The following MCTP1 variants were observed in gnomAD, a reference collection of about 807,000 sequenced individuals.
The protein encoded by MCTP1 is multiple C2 and transmembrane domain-containing protein 1.
Under a neutral mutation model 120.6 loss-of-function variants are expected in MCTP1, and 69 were observed. The observed-to-expected ratio is 0.57, with a 90% confidence interval of 0.47 to 0.70. MCTP1 has a LOEUF of 0.70. Among genes scored for constraint, MCTP1 ranks in the 30% least tolerant of loss-of-function variants. The pLI is 0.00. For synonymous variants in MCTP1, 529 were observed against 493.1 expected, an observed-to-expected ratio of 1.07 and a Z score of -0.96; for missense variants, 1,203 against 1,248.8, an observed-to-expected ratio of 0.96 and a Z score of 0.55.
chr5:95,233,696 A>C (rs181200541), intron 1 of MCTP1, among the ~76,000 whole-genome samples: 86 of 152,366 alleles, frequency 5.6e-4, no homozygotes, highest in African/African-American at 2.0e-3. Context: ...AAAGGATTTT[A>C]AACTGAATAA....
chr5:95,039,806 T>C (rs1056787952), intron 1 of MCTP1, among the ~76,000 whole-genome samples: 2 of 149,990 alleles, frequency 1.3e-5, no homozygotes, highest in African/African-American at 2.5e-5. Context: ...TTAACTGATA[T>C]TGTTTAAGTA....
intron 7 of MCTP1, among the ~76,000 whole-genome samples, chr5:94,918,856 C>T (rs937261650): frequency 6.6e-6 from 1 of 152,116 alleles, no homozygotes; most frequent in Non-Finnish European, 1.5e-5. Flanking sequence ...TGACAGGAAT[C>T]TTATTTTAAG....
At chr5:94,801,678 T>C (rs191858633) in intron 17 of MCTP1, among the ~76,000 whole-genome samples, 1 of 152,338 alleles carries the variant, frequency 6.6e-6, no homozygotes, top group Admixed American at 6.5e-5. Context: ...TTTTCCCTTG[T>C]AATGTCCATT....
intron 1 of MCTP1, among the ~76,000 whole-genome samples, chr5:95,067,553 T>G (rs915998701): frequency 1.3e-5 from 2 of 152,068 alleles, no homozygotes; most frequent in East Asian, 1.9e-4. Flanking sequence ...AAAAATACAA[T>G]TTCTAAACAG....
chr5:95,204,504 C>T (rs929734298), intron 1 of MCTP1, among the ~76,000 whole-genome samples: 2 of 152,170 alleles, frequency 1.3e-5, no homozygotes, highest in Non-Finnish European at 2.9e-5. Context: ...CTATTCAACA[C>T]TGCACTAGAG....
intron 17 of MCTP1, among the ~76,000 whole-genome samples, chr5:94,816,287 C>A (rs1437713656): frequency 6.6e-6 from 1 of 152,020 alleles, no homozygotes; most frequent in Non-Finnish European, 1.5e-5. Context: ...TACTTTTATT[C>A]ATCCCATGGG....
chr5:95,098,044 A>T (rs974006171), intron 1 of MCTP1, among the ~76,000 whole-genome samples: 2 of 152,186 alleles, frequency 1.3e-5, no homozygotes, highest in African/African-American at 4.8e-5. Flanking sequence ...CAACTCAATG[A>T]TTTCTGATCT....
intron 1 of MCTP1, among the ~76,000 whole-genome samples, chr5:95,224,225 G>C (rs1220847761): frequency 6.6e-6 from 1 of 152,126 alleles, no homozygotes; most frequent in Non-Finnish European, 1.5e-5. Flanking sequence ...CCTGGAATAA[G>C]GTTTCTAGGA....
intron 18 of MCTP1, among the ~76,000 whole-genome samples, chr5:94,798,641 A>G (rs1165403421): frequency 6.6e-6 from 1 of 152,184 alleles, no homozygotes; most frequent in East Asian, 1.9e-4. Flanking sequence ...AGTAAAATAC[A>G]TTCACTTAGT....
intron 1 of MCTP1, among the ~76,000 whole-genome samples, chr5:95,041,339 C>G (rs6880819): frequency 0.95 from 135,544 of 142,688 alleles, 64,223 homozygotes; most frequent in South Asian, 0.97. Context: ...AAAGAAAAAA[C>G]AAAAAGAAAG....
Position 94,707,317 on chromosome 5 carries a change from G to A in MCTP1, c.*179C>T, listed in dbSNP as rs1287205025. 2 of 555,316 alleles carry A rather than the reference G, an allele frequency of 3.6e-6. No homozygotes were observed. The highest frequency in any genetic ancestry group is 1.9e-5 in the African/African-American group (1 of 51,982). The allele number at this position is 555,316 out of a possible 1,614,324, so 34.4% of individuals were successfully genotyped here. ...GCAAAACCTTTATCAAGTTGAGTCT[G>A]TACAATAGAAGTATATATTCAAAGA... On this transcript the variant is annotated 3_prime_UTR_variant, in exon 23 of 23. Coordinates refer to ENST00000515393, the MANE Select transcript of MCTP1 (RefSeq NM_024717.7).
At chr5:94,826,402 T>C (rs1787072127) in intron 17 of MCTP1, 2 of 635,024 alleles carry the variant, frequency 3.1e-6, no homozygotes, top group East Asian at 3.3e-5. Context: ...GCTCACACCA[T>C]TGATACCTCT....
chr5:94,992,589 G>A (rs937807315), intron 2 of MCTP1, among the ~76,000 whole-genome samples: 4 of 152,164 alleles, frequency 2.6e-5, no homozygotes, highest in Non-Finnish European at 5.9e-5. Flanking sequence ...GCAGCCACAG[G>A]AGTGCGTTTG....
chr5:95,012,600 C>T (rs937143565), intron 2 of MCTP1, among the ~76,000 whole-genome samples: 8 of 152,138 alleles, frequency 5.3e-5, no homozygotes, highest in African/African-American at 1.9e-4. Flanking sequence ...TGCAACATTT[C>T]AAGCTTCTTC....
chr5:94,826,674 C>T (rs1787142231), intron 17 of MCTP1: 1 of 656,542 alleles, frequency 1.5e-6, no homozygotes, highest in Non-Finnish European at 2.7e-6. Context: ...ACCTTCTCTT[C>T]TTCTCTTATA....
At chr5:94,743,975 C>G (rs1766252504) in intron 19 of MCTP1, among the ~76,000 whole-genome samples, 1 of 151,680 alleles carries the variant, frequency 6.6e-6, no homozygotes, top group Non-Finnish European at 1.5e-5. Flanking sequence ...CTTGATTTTT[C>G]TTGTTCTTTT....
intron 1 of MCTP1, among the ~76,000 whole-genome samples, chr5:95,063,916 C>G (rs541222097): frequency 6.6e-6 from 1 of 152,284 alleles, no homozygotes; most frequent in African/African-American, 2.4e-5. Context: ...AGTCAAATAA[C>G]TCCACACCCA....
At chr5:95,041,327 A>G (rs76176921) in intron 1 of MCTP1, among the ~76,000 whole-genome samples, 6,590 of 150,400 alleles carry the variant, frequency 0.044, 255 homozygotes, top group East Asian at 0.054. Flanking sequence ...AAAAAAAAAA[A>G]AAAAGAAAAA....
chr5:94,716,265 G>T (rs1350171525), intron 19 of MCTP1, among the ~76,000 whole-genome samples: 1 of 152,090 alleles, frequency 6.6e-6, no homozygotes, highest in African/African-American at 2.4e-5. Context: ...TAGACGAGAC[G>T]CATAAAGCTT....
Sources: gnomAD v4.1 joint callset for allele counts (sites outside exome capture counted in the v4.1 genomes callset) on GRCh38, gnomAD v4.1.1 for gene constraint, MANE v1.5 for transcripts, NCBI Gene and HGNC (gene_info 2026-07-23, HGNC 2026-07-21) for gene names.